Variants in SDAD1 observed in about 807,000 individuals in gnomAD.
SDAD1 encodes the protein protein SDA1 homolog.
A neutral mutation model predicts 100.3 loss-of-function variants in SDAD1; 79 were observed. The observed-to-expected ratio is 0.79, with a 90% CI of 0.66 to 0.95. The LOEUF is 0.95. Ranked by LOEUF, SDAD1 falls within the 40% of genes least tolerant of loss-of-function variation. SDAD1 has a pLI of 0.00. For missense variants in SDAD1, 790 were observed against 810.9 expected (o/e 0.97, Z 0.31); for synonymous variants, 267 against 271.4 (o/e 0.98, Z 0.16).
chr4:75,966,839 G>A lies in SDAD1; in HGVS notation c.1045+438C>T, dbSNP rs148760357. On this transcript the variant is annotated intron_variant, in intron 12 of 21. Transcript: ENST00000356260. The stretch of plus-strand genomic sequence containing the variant: ...GGCTGGAGTGCAAGGGCACAATCTC[G>A]GCTCACAGCAACCTTCGCCTCCTGG... Among the ~76,000 whole-genome samples, 458 of 152,216 alleles carry A rather than the reference G, an allele frequency of 3.0e-3. 1 individual carries two copies. Among genetic ancestry groups the A allele is most frequent in the African/African-American group, 0.01 (424 of 41,524 alleles).
chr4:75,961,195 G>GT lies in SDAD1; in HGVS notation c.1279+15dup. 6.2e-7 allele frequency: 1 copy of GT among 1,611,218 alleles called. No homozygotes were observed. Among genetic ancestry groups the GT allele is most frequent in the Non-Finnish European group, 8.5e-7 (1 of 1,177,326 alleles). ...CACTGTACTCTTTGGTGTGTAGAGA[G>GT]TAACATGCAGCTTACTCTTATCCTT... is the stretch of plus-strand genomic sequence containing the variant. On this transcript the variant is annotated intron_variant, in intron 15 of 21. Transcript: ENST00000356260.
At chr4:75,955,314 T>C (rs1416451347) in intron 21 of SDAD1, among the ~76,000 whole-genome samples, 1 of 152,214 alleles carries the variant, frequency 6.6e-6, no homozygotes, top group African/African-American at 2.4e-5. Flanking sequence ...ATCCAGTGCA[T>C]TGGCAGCATC....
At chr4:75,962,046 C>G (rs1197980606) in intron 14 of SDAD1, among the ~76,000 whole-genome samples, 2 of 152,326 alleles carry the variant, frequency 1.3e-5, no homozygotes, top group South Asian at 4.1e-4. Flanking sequence ...TATCCCTCCC[C>G]ACTACCGCCA....
chr4:75,988,508 C>A (rs1167104511), intron 1 of SDAD1, among the ~76,000 whole-genome samples: 1 of 152,200 alleles, frequency 6.6e-6, no homozygotes, highest in Non-Finnish European at 1.5e-5. Flanking sequence ...AACTGCAATA[C>A]CCATCTCACC....
chr4:75,968,800 G>A (rs891194905), intron 11 of SDAD1, among the ~76,000 whole-genome samples: 2 of 152,120 alleles, frequency 1.3e-5, no homozygotes, highest in Non-Finnish European at 2.9e-5. Context: ...GGGAGGCCAA[G>A]GTGGTCAGAT....
In SDAD1 at chr4:75,969,497, T is replaced by C. The variant is rs1039761115; in HGVS notation, c.884-98A>G. ...AAAAGACAATAGTTAGATCAGTGAA[T>C]AGACTGACAAACAGGTGAATATGTC... On this transcript the variant is annotated intron_variant, in intron 10 of 21. Transcript: ENST00000356260. The C allele has an allele frequency of 2.7e-6, 2 of 736,918 alleles. 1 individual carries two copies. Among genetic ancestry groups the C allele is most frequent in the Non-Finnish European group, 4.6e-6 (2 of 435,964 alleles). 45.6% of individuals were successfully genotyped at this position (736,918 alleles called of 1,614,324 possible).
At chr4:75,984,422 C>T (rs1015440849) in intron 1 of SDAD1, among the ~76,000 whole-genome samples, 4 of 152,262 alleles carry the variant, frequency 2.6e-5, no homozygotes, top group Middle Eastern at 3.4e-3. Flanking sequence ...TCACCCTGGC[C>T]TCCCAAAGTG....
intron 7 of SDAD1, 38 bp from the exon 8 acceptor site, chr4:75,973,429 A>G: frequency 4.2e-6 from 6 of 1,436,576 alleles, no homozygotes; most frequent in Non-Finnish European, 5.9e-6. Flanking sequence ...TACTTGATTC[A>G]GCTTAAAATA....
At chr4:75,970,742 T>G (rs1729823754) in intron 9 of SDAD1, among the ~76,000 whole-genome samples, 2 of 152,176 alleles carry the variant, frequency 1.3e-5, no homozygotes, top group Non-Finnish European at 2.9e-5. Flanking sequence ...TAGGGGCAGT[T>G]TTCCCCATGC....
rs775312287 is a variant in SDAD1, at chr4:75,981,950, C to G, written c.178G>C (p.Val60Leu). The change falls in exon 2 of 22, where the codon GTG becomes CTG. Residue 60 changes from valine (V) to leucine (L), a missense_variant. Transcript: ENST00000356260. Reference sequence around the variant, plus strand: ...ATTCTTACCTGTGCCATAAACATCACCAGCTCTGCTAGTTCTTTGCTGGGT... The same window carrying G: ...ATTCTTACCTGTGCCATAAACATCAGCAGCTCTGCTAGTTCTTTGCTGGGT... Reference protein sequence around the residue: ...NKPSKELAELVMFMAQISHCY... With the variant: ...NKPSKELAELLMFMAQISHCY... The G allele has an allele frequency of 6.2e-7, 1 of 1,608,624 alleles. No individual in the cohort carries two copies. The highest frequency in any genetic ancestry group is 2.2e-5 in the East Asian group (1 of 44,818).
At chr4:75,971,516 GA>G in intron 8 of SDAD1, 58 bp from the exon 9 acceptor site, 5 of 1,258,596 alleles carry the variant, frequency 4.0e-6, no homozygotes, top group Non-Finnish European at 5.8e-6. Flanking sequence ...TAGAATGAAA[GA>G]GTAAACCTTT....
intron 1 of SDAD1, among the ~76,000 whole-genome samples, chr4:75,988,609 C>T (rs529771255): frequency 1.3e-5 from 2 of 152,194 alleles, no homozygotes; most frequent in South Asian, 4.2e-4. Flanking sequence ...GTATATCACC[C>T]CCTACTAGAA....
At chr4:75,985,543 T>C (rs1334735571) in intron 1 of SDAD1, among the ~76,000 whole-genome samples, 2 of 152,186 alleles carry the variant, frequency 1.3e-5, no homozygotes, top group African/African-American at 4.8e-5. Context: ...AGACTAGAGT[T>C]ATCCTCACAT....
intron 12 of SDAD1, among the ~76,000 whole-genome samples, chr4:75,966,055 T>C: frequency 6.6e-6 from 1 of 152,050 alleles, no homozygotes; most frequent in Non-Finnish European, 1.5e-5. Flanking sequence ...ACAGAACCCG[T>C]CCCGACACTC....
At position 75,957,658 on chromosome 4, in the gene SDAD1, T is replaced by G. The variant is rs1728978261; in HGVS notation, c.1629A>C (p.Ala543=). Residue 543 remains alanine (A), a synonymous_variant, in exon 19 of 22, where the codon GCA becomes GCC. Coordinates refer to ENST00000356260, the MANE Select transcript of SDAD1 (RefSeq NM_018115.4). ...MPMEERKAKA[A]AISTSRVLTQ... ...TTAAAACTCGGCTAGTGCTGATGGCTGCAGCTTTGGCCTTCCGCTCCTCCA... is the reference window on the plus strand; with the variant it reads ...TTAAAACTCGGCTAGTGCTGATGGCGGCAGCTTTGGCCTTCCGCTCCTCCA... 3.1e-6 allele frequency: 5 copies of G among 1,614,222 alleles called. No homozygotes were observed. The African/African-American group carries it at 5.3e-5, about 17-fold the overall frequency.
chr4:75,956,201 A>C, intron 20 of SDAD1, 65 bp from the exon 21 acceptor site: 1 of 1,496,866 alleles, frequency 6.7e-7, no homozygotes, highest in African/African-American at 1.4e-5. Context: ...TCTAATCAAC[A>C]TTAATGTCTC....
At chr4:75,959,233 A>G (rs1729096208) in intron 17 of SDAD1, among the ~76,000 whole-genome samples, 1 of 151,404 alleles carries the variant, frequency 6.6e-6, no homozygotes, top group African/African-American at 2.4e-5. Context: ...AGCCCTTTGG[A>G]AGCCCTCTAG....
At chr4:75,990,607 C>T (rs780492251) in intron 1 of SDAD1, 145 bp downstream of exon 1, 1 of 1,568,194 alleles carries the variant, frequency 6.4e-7, no homozygotes, top group Non-Finnish European at 8.7e-7. Context: ...CCGTCCCCAA[C>T]CCCTTCTCTC....
chr4:75,956,185 G>GA (rs1259838024), intron 20 of SDAD1, 49 bp from the exon 21 acceptor site: 2 of 1,551,266 alleles, frequency 1.3e-6, no homozygotes, highest in African/African-American at 2.8e-5. Flanking sequence ...CATACTTTAG[G>GA]AGTCATCTAA....
Sources: gnomAD v4.1 joint callset for allele counts (sites outside exome capture counted in the v4.1 genomes callset) on GRCh38, gnomAD v4.1.1 for gene constraint, MANE v1.5 for transcripts, NCBI Gene and HGNC (gene_info 2026-07-23, HGNC 2026-07-21) for gene names.